OSTF1: variants seen among roughly 807,000 people sequenced by gnomAD.
The protein encoded by OSTF1 is osteoclast-stimulating factor 1.
Under a neutral mutation model 37.2 loss-of-function variants are expected in OSTF1, and 27 were observed. That is an observed-to-expected ratio of 0.73 (90% confidence interval 0.54 to 1.00). OSTF1 has a LOEUF of 1.00. Among genes scored for constraint, OSTF1 ranks in the 50% least tolerant of loss-of-function variants. OSTF1 has a pLI of 0.00. For missense variants in OSTF1, 232 were observed against 253.8 expected (o/e 0.91, Z 0.58); for synonymous variants, 82 against 89.2 (o/e 0.92, Z 0.46).
intron 1 of OSTF1, among the ~76,000 whole-genome samples, chr9:75,115,444 A>C (rs895161369): frequency 4.6e-5 from 7 of 152,092 alleles, no homozygotes; most frequent in Non-Finnish European, 1.0e-4. Context: ...GGTGCACGCC[A>C]TCATGCCCGG....
chr9:75,122,323 G>GC (rs1164655712), intron 2 of OSTF1, among the ~76,000 whole-genome samples: 3 of 152,196 alleles, frequency 2.0e-5, no homozygotes, highest in African/African-American at 7.2e-5. Flanking sequence ...GCCCAGCCCT[G>GC]CCACTCACTC....
At chr9:75,102,552 G>A (rs11144231) in intron 1 of OSTF1, among the ~76,000 whole-genome samples, 29 of 152,088 alleles carry the variant, frequency 1.9e-4, no homozygotes, top group East Asian at 9.6e-4. Context: ...TTCTTCCTAC[G>A]GATCTCGAAA....
chr9:75,123,542 G>T (rs555044631), intron 2 of OSTF1, among the ~76,000 whole-genome samples: 107 of 152,346 alleles, frequency 7.0e-4, no homozygotes, highest in African/African-American at 2.4e-3. Context: ...GAATTTAAAA[G>T]TAGGTGCTCA....
At chr9:75,099,144 G>A (rs1587438678) in intron 1 of OSTF1, among the ~76,000 whole-genome samples, 1 of 152,098 alleles carries the variant, frequency 6.6e-6, no homozygotes, top group African/African-American at 2.4e-5. Flanking sequence ...CATCATGTTG[G>A]CCAGGCTGGT....
intron 7 of OSTF1, among the ~76,000 whole-genome samples, chr9:75,135,729 C>T (rs895374650): frequency 6.6e-6 from 1 of 152,198 alleles, no homozygotes; most frequent in African/African-American, 2.4e-5. Flanking sequence ...GTTCTCTGCT[C>T]AGGGTCTCCC....
intron 1 of OSTF1, among the ~76,000 whole-genome samples, chr9:75,096,727 C>A (rs967101585): frequency 1.3e-5 from 2 of 152,298 alleles, no homozygotes; most frequent in Non-Finnish European, 1.5e-5. Context: ...AACTTCCTGA[C>A]CAAATCCATA....
At chr9:75,133,000 CACACACACA>C (rs1825787339) in intron 5 of OSTF1, among the ~76,000 whole-genome samples, 1 of 111,058 alleles carries the variant, frequency 9.0e-6, no homozygotes, top group Non-Finnish European at 2.0e-5. Flanking sequence ...CACACACACA[CACACACACA>C]CACCCCTATA....
chr9:75,095,141 C>T (rs1028778780), intron 1 of OSTF1, among the ~76,000 whole-genome samples: 1 of 152,152 alleles, frequency 6.6e-6, no homozygotes, highest in African/African-American at 2.4e-5. Flanking sequence ...CCCTAATTAA[C>T]GTACTTCTGG....
chr9:75,098,656 C>T (rs1002875843), intron 1 of OSTF1, among the ~76,000 whole-genome samples: 1 of 152,174 alleles, frequency 6.6e-6, no homozygotes, highest in Non-Finnish European at 1.5e-5. Flanking sequence ...ACGTATTCTA[C>T]TAGATTTTAG....
chr9:75,128,564 TATATATATATTTTGTCC>T lies in OSTF1; in HGVS notation c.132+956_132+972del, dbSNP rs1369665448. 2.9e-4 allele frequency among the ~76,000 whole-genome samples: 9 copies of T among 30,530 alleles called. 3 individuals are homozygous for T. Among genetic ancestry groups the T allele is most frequent in the South Asian group, 1.5e-3 (2 of 1,330 alleles). 20.0% of individuals were successfully genotyped at this position (30,530 alleles called of 152,430 possible). On this transcript the variant is annotated intron_variant, in intron 3 of 9. Coordinates refer to ENST00000346234, the MANE Select transcript of OSTF1 (RefSeq NM_012383.5). ...TATATATTTTGTCCATATATATATATATATATATATTTTGTCCATATATATATATATATATATATATA... is the reference window on the plus strand; with the variant it reads ...TATATATTTTGTCCATATATATATATATATATATATATATATATATATATA...
rs79069809 is a variant in OSTF1, at chr9:75,128,109, T to G, written c.132+490T>G. Among the ~76,000 whole-genome samples, 559 of 151,776 alleles carry G rather than the reference T, an allele frequency of 3.7e-3. 10 individuals are homozygous for G. In the East Asian group the frequency reaches 0.043, roughly 12 times the overall value. On this transcript the variant is annotated intron_variant, in intron 3 of 9. Transcript: ENST00000346234. ...GTGGAAGGAGAGAAATAGGGTATAA[T>G]GAACATAGATGGAAGATAGACTTTT...
In OSTF1 at chr9:75,128,519, A is replaced by ATTTTGTCCATATATATATATATATT. The variant is rs1825707238; in HGVS notation, c.132+924_132+925insTTTTTGTCCATATATATATATATAT. On this transcript the variant is annotated intron_variant, in intron 3 of 9. Transcript: ENST00000346234. ...ATTTTGTCCATATATATATATATAT[A>ATTTTGTCCATATATATATATATATT]TTTTGTCCATATATATATATATATA... 9.7e-5 allele frequency among the ~76,000 whole-genome samples: 3 copies of ATTTTGTCCATATATATATATATATT among 30,776 alleles called. No individual in the cohort carries two copies. The Admixed American group carries it at 1.1e-3, about 11-fold the overall frequency. 20.2% of individuals were successfully genotyped at this position (30,776 alleles called of 152,430 possible).
At chr9:75,111,008 C>T (rs1257544699) in intron 1 of OSTF1, among the ~76,000 whole-genome samples, 2 of 152,070 alleles carry the variant, frequency 1.3e-5, no homozygotes, top group Admixed American at 6.5e-5. Flanking sequence ...TGTGAGCCAC[C>T]GTGCCCGGCC....
chr9:75,108,085 T>C (rs1231871017), intron 1 of OSTF1, among the ~76,000 whole-genome samples: 1 of 151,590 alleles, frequency 6.6e-6, no homozygotes, highest in African/African-American at 2.4e-5. Flanking sequence ...ATGAGCTGGG[T>C]GTGGTGGTGC....
intron 1 of OSTF1, among the ~76,000 whole-genome samples, chr9:75,116,951 C>CT (rs908352550): frequency 7.9e-5 from 12 of 151,098 alleles, no homozygotes; most frequent in East Asian, 1.9e-4. Context: ...CTCCCACAGG[C>CT]TTTTTTTTTC....
Position 75,098,506 on chromosome 9 carries a change from A to G in OSTF1, c.34+9780A>G, listed in dbSNP as rs374662569. 4.5e-4 allele frequency among the ~76,000 whole-genome samples: 69 copies of G among 152,298 alleles called. No individual in the cohort carries two copies. The South Asian group carries it at 9.1e-3, about 20-fold the overall frequency. Reference sequence around the variant, plus strand: ...GGAATATGTCTGGGGCTTTATATGCACAGATTCCAAGGAGACCCTTGCAAA... The same window carrying G: ...GGAATATGTCTGGGGCTTTATATGCGCAGATTCCAAGGAGACCCTTGCAAA... On this transcript the variant is annotated intron_variant, in intron 1 of 9. Coordinates refer to ENST00000346234, the MANE Select transcript of OSTF1 (RefSeq NM_012383.5).
intron 2 of OSTF1, among the ~76,000 whole-genome samples, chr9:75,123,420 T>C (rs1258489032): frequency 6.6e-6 from 1 of 151,990 alleles, no homozygotes; most frequent in Admixed American, 6.6e-5. Context: ...AGACTCCGTC[T>C]CAAAAAAACA....
chr9:75,108,040 C>T (rs772047982), intron 1 of OSTF1, among the ~76,000 whole-genome samples: 1 of 151,948 alleles, frequency 6.6e-6, no homozygotes, highest in Non-Finnish European at 1.5e-5. Context: ...AGTTTGAGAT[C>T]AGCCTGGGCA....
At chr9:75,114,897 T>C (rs1173350426) in intron 1 of OSTF1, among the ~76,000 whole-genome samples, 2 of 152,222 alleles carry the variant, frequency 1.3e-5, no homozygotes, top group African/African-American at 4.8e-5. Flanking sequence ...CCTTTCTTCA[T>C]GCTTCATTCA....
Sources: allele counts gnomAD v4.1 joint callset (sites outside exome capture counted in the v4.1 genomes callset), GRCh38; gene constraint gnomAD v4.1.1; transcripts MANE v1.5; gene names NCBI Gene and HGNC (gene_info 2026-07-23, HGNC 2026-07-21).